Variants in EARS2 observed in about 807,000 individuals in gnomAD.
EARS2 encodes the protein nondiscriminating glutamyl-tRNA synthetase EARS2, mitochondrial.
Under a neutral mutation model 54.1 loss-of-function variants are expected in EARS2, and 50 were observed. That is an observed-to-expected ratio of 0.92 (90% confidence interval 0.74 to 1.17). The LOEUF is 1.17. Among genes scored for constraint, EARS2 ranks in the 50% most tolerant of loss-of-function variants. EARS2 has a pLI of 0.00. For synonymous variants in EARS2, 298 were observed against 281.0 expected, an observed-to-expected ratio of 1.06 and a Z score of -0.61; for missense variants, 673 against 675.0, an observed-to-expected ratio of 1.00 and a Z score of 0.03.
intron 3 of EARS2, among the ~76,000 whole-genome samples, chr16:23,536,682 C>CCTT (rs1567382966): frequency 1.8e-5 from 2 of 113,490 alleles, no homozygotes; most frequent in Non-Finnish European, 3.8e-5. Flanking sequence ...CTTTTTTTTT[C>CCTT]TTTTTTTTTT....
chr16:23,524,174 T>A lies in EARS2; in HGVS notation c.*197A>T. 1.6e-6 allele frequency: 1 copy of A among 613,966 alleles called. No individual in the cohort carries two copies. Among genetic ancestry groups the A allele is most frequent in the South Asian group, 1.9e-5 (1 of 52,348 alleles). 38.0% of individuals were successfully genotyped at this position (613,966 alleles called of 1,614,324 possible). On this transcript the variant is annotated 3_prime_UTR_variant, in exon 9 of 9. Transcript: ENST00000449606. The stretch of plus-strand genomic sequence containing the variant: ...CCAGAGTCCAGGAGGTTAGATGGGT[T>A]GGGCTTCCCCAGCCAATTGACAAAA...
At chr16:23,538,461 T>C (rs1044029591) in intron 3 of EARS2, among the ~76,000 whole-genome samples, 5 of 152,218 alleles carry the variant, frequency 3.3e-5, no homozygotes, top group Non-Finnish European at 5.9e-5. Flanking sequence ...AATCTGTCTT[T>C]TTACATTGGC....
intron 2 of EARS2, among the ~76,000 whole-genome samples, chr16:23,551,475 G>A (rs1344349851): frequency 2.0e-5 from 3 of 152,100 alleles, no homozygotes; most frequent in Non-Finnish European, 4.4e-5. Context: ...AATTAGCCAG[G>A]CGTGGTGGTG....
At chr16:23,542,120 C>T (rs1048358240) in intron 3 of EARS2, among the ~76,000 whole-genome samples, 1 of 150,322 alleles carries the variant, frequency 6.7e-6, no homozygotes, top group East Asian at 2.0e-4. Flanking sequence ...GGCTTCCCAA[C>T]GTACGGGGAT....
Position 23,529,739 on chromosome 16 carries a change from C to A in EARS2, c.1221+5G>T. The A allele has an allele frequency of 6.2e-7, 1 of 1,614,058 alleles. No homozygotes were observed. The highest frequency in any genetic ancestry group is 8.5e-7 in the Non-Finnish European group (1 of 1,180,000). On this transcript the variant is annotated splice_donor_5th_base_variant and intron_variant, in intron 6 of 8. Transcript: ENST00000449606. ...CCTCAGCTTCCCAGAATCCTGACAC[C>A]ACACCTGTCTCAGCAGGAGGATCCT... is the stretch of plus-strand genomic sequence containing the variant.
intron 4 of EARS2, among the ~76,000 whole-genome samples, chr16:23,533,807 G>A (rs773853113): frequency 2.0e-5 from 3 of 152,074 alleles, no homozygotes; most frequent in Non-Finnish European, 4.4e-5. Context: ...TGTAATCCCA[G>A]TACTTTGGGA....
intron 3 of EARS2, among the ~76,000 whole-genome samples, chr16:23,542,287 A>C (rs1171422299): frequency 7.1e-6 from 1 of 140,768 alleles, no homozygotes; most frequent in East Asian, 2.2e-4. Flanking sequence ...GAGCCACCAT[A>C]CTTGGCCCTT....
At chr16:23,545,766 C>A (rs1965593566) in intron 2 of EARS2, among the ~76,000 whole-genome samples, 1 of 152,176 alleles carries the variant, frequency 6.6e-6, no homozygotes, top group African/African-American at 2.4e-5. Context: ...CGGGCTCAAG[C>A]CACCCTCCTG....
chr16:23,539,916 G>A (rs1440479884), intron 3 of EARS2, among the ~76,000 whole-genome samples: 1 of 152,156 alleles, frequency 6.6e-6, no homozygotes, highest in African/African-American at 2.4e-5. Flanking sequence ...TTGGGAGGCT[G>A]AGGTGGGTGG....
chr16:23,532,755 C>A lies in EARS2; in HGVS notation c.969G>T (p.Met323Ile). Residue 323 changes from methionine to isoleucine, a missense_variant, in exon 5 of 9, where the codon ATG becomes ATT. Met to Ile is a conservative substitution (Grantham distance 10). This residue lies in a region of EARS2 where 338 missense variants were observed against 361.2 expected (regional missense o/e 0.94). Transcript: ENST00000449606. ...TGATCAGCTCCGGCAGGGTCCTGCC[C>A]ATTTGGTTCTCTGCAAAGAAGAGAG... ...NCGSGFAENQ[M>I]GRTLPELITQ... The A allele has an allele frequency of 6.2e-7, 1 of 1,613,144 alleles. No individual in the cohort carries two copies. Among genetic ancestry groups the A allele is most frequent in the Non-Finnish European group, 8.5e-7 (1 of 1,179,308 alleles).
At chr16:23,554,712 G>T (rs1597029634) in intron 1 of EARS2, among the ~76,000 whole-genome samples, 1 of 152,272 alleles carries the variant, frequency 6.6e-6, no homozygotes, top group Middle Eastern at 3.4e-3. Context: ...GAGGAACCCA[G>T]CTGCTGAAAA....
At chr16:23,542,727 T>A (rs1381065234) in intron 3 of EARS2, among the ~76,000 whole-genome samples, 1 of 152,206 alleles carries the variant, frequency 6.6e-6, no homozygotes. Context: ...TTCTGGTGTT[T>A]CTGTCCTTGT....
chr16:23,551,686 G>C (rs577087154), intron 2 of EARS2, among the ~76,000 whole-genome samples: 1 of 152,092 alleles, frequency 6.6e-6, no homozygotes, highest in South Asian at 2.1e-4. Flanking sequence ...TTGGGAGGTC[G>C]AGGCAGGTGG....
intron 8 of EARS2, 50 bp from the exon 9 acceptor site, chr16:23,524,504 G>A (rs1414036569): frequency 7.9e-6 from 12 of 1,516,064 alleles, no homozygotes; most frequent in Non-Finnish European, 1.1e-5. Context: ...ACAGCCTAAA[G>A]AACTGAAGCT....
intron 7 of EARS2, among the ~76,000 whole-genome samples, chr16:23,526,980 T>A (rs1393980930): frequency 2.0e-5 from 3 of 152,128 alleles, no homozygotes; most frequent in African/African-American, 7.2e-5. Context: ...ATTTTTTTTT[T>A]AAGACAGGAT....
chr16:23,545,366 C>A (rs1004345151), intron 2 of EARS2: 2 of 152,054 alleles, frequency 1.3e-5, no homozygotes, highest in Non-Finnish European at 2.9e-5. Flanking sequence ...AGAGAACAGC[C>A]CATCAGGCCC....
rs891147626 is a variant in EARS2 at position 23,522,902 on chromosome 16, T to A, written c.*1469A>T. 1 of 152,168 alleles carries A rather than the reference T, an allele frequency of 6.6e-6. No homozygotes were observed. Among genetic ancestry groups the A allele is most frequent in the Admixed American group, 6.6e-5 (1 of 15,260 alleles). 9.4% of individuals were successfully genotyped at this position (152,168 alleles called of 1,614,324 possible). A position where few individuals can be genotyped will look rare whatever the true frequency, so the allele number is the denominator to read the frequency against. On this transcript the variant is annotated 3_prime_UTR_variant, in exon 9 of 9. Transcript: ENST00000449606. The stretch of plus-strand genomic sequence containing the variant: ...AGGACCAGCTTTCAAGATTGCACAC[T>A]CCCATGGCTATTGGTGGGAGGCCTC...
At chr16:23,531,071 C>G (rs28656176) in intron 5 of EARS2, among the ~76,000 whole-genome samples, 122,563 of 146,462 alleles carry the variant, frequency 0.84, 50,998 homozygotes, top group Middle Eastern at 0.89. Context: ...TTTTTTTTTT[C>G]TATTTTTAGT....
intron 5 of EARS2, 92 bp downstream of exon 5, chr16:23,532,565 A>C (rs866683108): frequency 2.0e-5 from 16 of 804,406 alleles, no homozygotes; most frequent in Middle Eastern, 4.6e-4. Flanking sequence ...ACACAGAATT[A>C]GGTACCAGAG....
Sources: allele counts gnomAD v4.1 joint callset (sites outside exome capture counted in the v4.1 genomes callset), GRCh38; gene constraint gnomAD v4.1.1; regional missense constraint gnomAD v4.1.1; transcripts MANE v1.5; gene names NCBI Gene and HGNC (gene_info 2026-07-23, HGNC 2026-07-21).